Variants in MAGED1 observed in about 807,000 individuals in gnomAD.
MAGED1 encodes the protein MAGE family member D1.
In MAGED1, 3 loss-of-function variants were observed where a neutral mutation model predicts 54.1. The ratio of observed to expected loss-of-function variants is 0.06; its 90% CI spans 0.03 to 0.14. The LOEUF (loss-of-function observed/expected upper bound fraction) is 0.14, where lower values mean the gene tolerates loss of function less well. Ranked by LOEUF, MAGED1 falls within the 10% of genes least tolerant of loss-of-function variation. The pLI, the probability that MAGED1 is intolerant of heterozygous loss-of-function variation, is 1.00. For missense variants in MAGED1, 485 were observed against 623.4 expected (o/e 0.78, Z 2.36); for synonymous variants, 217 against 227.3 (o/e 0.95, Z 0.41).
chrX:51,889,909 CA>C (rs1928378997), upstream of MAGED1, among the ~76,000 whole-genome samples: 1 of 112,071 alleles, frequency 8.9e-6, no homozygotes, highest in Admixed American at 9.4e-5. Flanking sequence ...CTATGCTTTC[CA>C]AAAAAAGGTC....
chrX:51,805,483 T>A (rs997729481), intron 1 of MAGED1, among the ~76,000 whole-genome samples: 2 of 110,312 alleles, frequency 1.8e-5, no homozygotes, highest in Non-Finnish European at 3.8e-5. Context: ...ATAAAAAATA[T>A]ACAGAATATT....
intron 1 of MAGED1, among the ~76,000 whole-genome samples, chrX:51,840,021 T>C (rs1332978664): frequency 2.7e-5 from 3 of 112,120 alleles, no homozygotes; most frequent in African/African-American, 9.7e-5. Flanking sequence ...AAAATTTCAT[T>C]ATCTTGCAGT....
In MAGED1 at chrX:51,895,473, G is replaced by C. The variant is rs200672367; in HGVS notation, c.466G>C (p.Gly156Arg). The C allele has an allele frequency of 8.3e-7, 1 of 1,209,124 alleles. No individual in the cohort carries two copies. The change falls in exon 3 of 13, where the codon GGC becomes CGC. Residue 156 changes from glycine to arginine, a missense_variant. This residue lies in a region of MAGED1 where 299 missense variants were observed against 293.1 expected (regional missense o/e 1.02). Transcript: ENST00000326587. Reference protein sequence around the residue: ...FKAQNATTKVGPNATYNFSQS... With the variant: ...FKAQNATTKVRPNATYNFSQS... ...GGCCCAGAATGCCACTACTAAAGTG[G>C]GCCCAAATGCCACCTACAATTTCTC...
chrX:51,869,803 G>C (rs1557361368), intron 1 of MAGED1, among the ~76,000 whole-genome samples: 1 of 111,401 alleles, frequency 9.0e-6, no homozygotes, highest in East Asian at 2.8e-4. Flanking sequence ...CCAGGAGGCG[G>C]AGATTGCAGT....
intron 1 of MAGED1, among the ~76,000 whole-genome samples, chrX:51,832,009 CTGTT>C (rs1332767117): frequency 1.8e-5 from 2 of 111,700 alleles, no homozygotes; most frequent in Non-Finnish European, 3.8e-5. Flanking sequence ...CAATTCCACT[CTGTT>C]AGTTATTTTA....
chrX:51,812,743 C>T (rs781920261), intron 1 of MAGED1, among the ~76,000 whole-genome samples: 1 of 110,833 alleles, frequency 9.0e-6, no homozygotes, highest in African/African-American at 3.3e-5. Flanking sequence ...CGTTTTTGTG[C>T]AAACATATGT....
chrX:51,827,499 G>A (rs1925896727), intron 1 of MAGED1, among the ~76,000 whole-genome samples: 1 of 111,641 alleles, frequency 9.0e-6, no homozygotes, highest in African/African-American at 3.3e-5. Flanking sequence ...CCTATAGAAT[G>A]TACAACACTG....
intron 1 of MAGED1, among the ~76,000 whole-genome samples, chrX:51,808,995 AAGTTAT>A (rs1166646550): frequency 8.9e-6 from 1 of 111,809 alleles, no homozygotes; most frequent in African/African-American, 3.2e-5. Context: ...AATTGTCTTA[AAGTTAT>A]AGTTATACAG....
chrX:51,819,353 C>T (rs1557356325), intron 1 of MAGED1, among the ~76,000 whole-genome samples: 1 of 109,375 alleles, frequency 9.1e-6, no homozygotes, highest in African/African-American at 3.3e-5. Context: ...TCTGTCAAGC[C>T]GTTTCTTACC....
At chrX:51,863,541 G>T (rs1274886234) in intron 1 of MAGED1, among the ~76,000 whole-genome samples, 2 of 111,585 alleles carry the variant, frequency 1.8e-5, no homozygotes, top group African/African-American at 3.3e-5. Context: ...TAATTTTGGG[G>T]GGGAACCTCC....
intron 3 of MAGED1, chrX:51,896,090 C>T: frequency 2.7e-6 from 1 of 376,609 alleles, no homozygotes; most frequent in Non-Finnish European, 4.5e-6. Flanking sequence ...GATCATAGTG[C>T]CAATTTTACA....
At chrX:51,875,640 T>C (rs1020547793) in intron 1 of MAGED1, among the ~76,000 whole-genome samples, 1 of 111,953 alleles carries the variant, frequency 8.9e-6, no homozygotes, top group Non-Finnish European at 1.9e-5. Flanking sequence ...TTTTCTTTTC[T>C]TTTACAGTTG....
At chrX:51,883,379 C>G (rs139395176) in intron 1 of MAGED1, among the ~76,000 whole-genome samples, 5 of 111,412 alleles carry the variant, frequency 4.5e-5, no homozygotes, top group African/African-American at 9.8e-5. Context: ...CCCAGTCTCT[C>G]CCAAGCAGAG....
chrX:51,846,449 C>A (rs782291111), intron 1 of MAGED1, among the ~76,000 whole-genome samples: 2 of 111,659 alleles, frequency 1.8e-5, no homozygotes, highest in Non-Finnish European at 3.8e-5. Flanking sequence ...ACTGGATTTT[C>A]CCCAAAAGCC....
intron 1 of MAGED1, among the ~76,000 whole-genome samples, chrX:51,842,118 C>T (rs1926515686): frequency 8.9e-6 from 1 of 112,075 alleles, no homozygotes; most frequent in South Asian, 3.7e-4. Flanking sequence ...CATGTATTCT[C>T]AAACAGTGCA....
intron 1 of MAGED1, among the ~76,000 whole-genome samples, chrX:51,822,438 G>C (rs1006190954): frequency 9.0e-6 from 1 of 110,673 alleles, no homozygotes; most frequent in Non-Finnish European, 1.9e-5. Context: ...TTCTGGTTAA[G>C]GGTTTGTCAA....
chrX:51,831,774 A>T (rs1322857840), intron 1 of MAGED1, among the ~76,000 whole-genome samples: 1 of 111,530 alleles, frequency 9.0e-6, no homozygotes, highest in Non-Finnish European at 1.9e-5. Context: ...AGATAAATGG[A>T]CATCCTCACT....
rs56904686 is a variant in MAGED1 at position 51,860,415 on chromosome X, T to C, written c.-36-33854T>C. ...TGAGAATACCATATATGCAATAAAT[T>C]TGGAACTTGGTCACTGACTAGATAT... On this transcript the variant is annotated intron_variant, in intron 1 of 12. Transcript: ENST00000375772. 1.6e-3 allele frequency among the ~76,000 whole-genome samples: 174 copies of C among 110,972 alleles called. 1 individual carries two copies. Among genetic ancestry groups the C allele is most frequent in the African/African-American group, 5.3e-3 (162 of 30,468 alleles).
At chrX:51,886,724 A>G (rs1177701648) in intron 1 of MAGED1, among the ~76,000 whole-genome samples, 1 of 111,123 alleles carries the variant, frequency 9.0e-6, no homozygotes, top group Non-Finnish European at 1.9e-5. Flanking sequence ...TATCAATTTT[A>G]TTTCTATATC....
Sources: gnomAD v4.1 joint callset for allele counts (sites outside exome capture counted in the v4.1 genomes callset) on GRCh38, gnomAD v4.1.1 for gene constraint, gnomAD v4.1.1 regional missense constraint, MANE v1.5 for transcripts, NCBI Gene and HGNC (gene_info 2026-07-23, HGNC 2026-07-21) for gene names.